SV2B: variants seen among roughly 807,000 people sequenced by gnomAD.
SV2B encodes synaptic vesicle glycoprotein 2B.
SV2B carries 41 observed loss-of-function variants against 73.9 expected under a neutral mutation model. The ratio of observed to expected loss-of-function variants is 0.56; its 90% CI spans 0.43 to 0.72. SV2B has a LOEUF of 0.72. Ranked by LOEUF, SV2B falls within the 30% of genes least tolerant of loss-of-function variation. The pLI is 0.00. For missense variants in SV2B, 764 were observed against 857.8 expected (o/e 0.89, Z 1.37); for synonymous variants, 314 against 314.2 (o/e 1.00, Z 0.01).
intron 1 of SV2B, among the ~76,000 whole-genome samples, chr15:91,160,946 G>A (rs187944745): frequency 3.9e-5 from 6 of 152,264 alleles, no homozygotes; most frequent in Non-Finnish European, 7.4e-5. Context: ...ACAAAATGTG[G>A]CTTATCCATA....
At chr15:91,180,123 A>G (rs1299669794) in intron 1 of SV2B, among the ~76,000 whole-genome samples, 2 of 152,040 alleles carry the variant, frequency 1.3e-5, no homozygotes, top group African/African-American at 4.8e-5. Context: ...GCTTGTTTGT[A>G]AAGTATTTTT....
rs540991662 is a variant in SV2B at position 91,134,152 on chromosome 15, C to G, written c.-392+33789C>G. Among the ~76,000 whole-genome samples the G allele has an allele frequency of 2.6e-3, 388 of 152,058 alleles. 1 individual carries two copies. The highest frequency in any genetic ancestry group is 3.9e-3 in the Non-Finnish European group (263 of 67,976). On this transcript the variant is annotated intron_variant, in intron 1 of 12. Transcript: ENST00000394232. Reference sequence around the variant, plus strand: ...TAGCTGGGATTACAGGTGTGCACCACCACGCCTGGCTAATTTTTGTATTTT... The same window carrying G: ...TAGCTGGGATTACAGGTGTGCACCAGCACGCCTGGCTAATTTTTGTATTTT...
Position 91,231,675 on chromosome 15 carries a change from C to G in SV2B, c.451+4961C>G, listed in dbSNP as rs114015215. On this transcript the variant is annotated intron_variant, in intron 2 of 12. Transcript: ENST00000394232. This position sits in a 1 kb window ranked among gnomAD's most constrained non-coding sequence, Gnocchi z 4.5. ...CTCAACCTGGAACTGTGGGCTATTC[C>G]CTACCTTCATGCCTATAATAGTGAG... Among the ~76,000 whole-genome samples, 807 of 152,260 alleles carry G rather than the reference C, an allele frequency of 5.3e-3. 7 individuals carry two copies. The highest frequency in any genetic ancestry group is 0.018 in the African/African-American group (756 of 41,548).
intron 1 of SV2B, among the ~76,000 whole-genome samples, chr15:91,159,606 A>T (rs893678978): frequency 1.3e-5 from 2 of 152,258 alleles, no homozygotes; most frequent in African/African-American, 4.8e-5. Context: ...CAAGCATTAC[A>T]TTGAAAGATA....
At chr15:91,195,834 T>C (rs139219382) in intron 1 of SV2B, among the ~76,000 whole-genome samples, 1 of 152,210 alleles carries the variant, frequency 6.6e-6, no homozygotes, top group Non-Finnish European at 1.5e-5. Context: ...TAGCAAGTCC[T>C]ACATGAAGCT....
chr15:91,302,357 G>A lies in SV2B; in HGVS notation c.*9805G>A, dbSNP rs911955722. On this transcript the variant is annotated 3_prime_UTR_variant, in exon 13 of 13. Transcript: ENST00000394232. ...AGCTTTAAAACTTTAGTAACCTGAT[G>A]ATGGAGAGATCTGGGGGGTGCAGAG... Among the ~76,000 whole-genome samples the A allele has an allele frequency of 1.3e-5, 2 of 152,202 alleles. No homozygotes were observed. Among genetic ancestry groups the A allele is most frequent in the South Asian group, 2.1e-4 (1 of 4,820 alleles).
At chr15:91,170,011 C>G (rs1000116448) in intron 1 of SV2B, among the ~76,000 whole-genome samples, 1 of 152,122 alleles carries the variant, frequency 6.6e-6, no homozygotes, top group African/African-American at 2.4e-5. Flanking sequence ...AGACACCATC[C>G]AGTGATTTAT....
At chr15:91,167,113 G>A (rs998488842) in intron 1 of SV2B, among the ~76,000 whole-genome samples, 3 of 151,962 alleles carry the variant, frequency 2.0e-5, no homozygotes, top group Non-Finnish European at 2.9e-5. Flanking sequence ...GCGCCCGGCC[G>A]TATAGTTTTT....
rs1289948753 is a variant in SV2B, at chr15:91,278,604, G to A, written c.1374-3124G>A. Among the ~76,000 whole-genome samples the A allele has an allele frequency of 1.2e-4, 15 of 130,280 alleles. No individual in the cohort carries two copies. In the South Asian group the frequency reaches 3.4e-3, roughly 30 times the overall value. The allele number at this position is 130,280 out of a possible 152,430, so 85.5% of individuals were successfully genotyped here. ...TGAGGCAGGAGAATGGCGTGAACCCGGGAAGCGGAGCTTGCAGTGAGCCGA... is the reference window on the plus strand; with the variant it reads ...TGAGGCAGGAGAATGGCGTGAACCCAGGAAGCGGAGCTTGCAGTGAGCCGA... On this transcript the variant is annotated intron_variant, in intron 9 of 12. Coordinates refer to ENST00000394232, the MANE Select transcript of SV2B (RefSeq NM_001323032.3).
At chr15:91,251,110 C>T (rs1395855736) in intron 2 of SV2B, among the ~76,000 whole-genome samples, 1 of 152,126 alleles carries the variant, frequency 6.6e-6, no homozygotes, top group Non-Finnish European at 1.5e-5. Context: ...GACATATAGA[C>T]CAATGGAACA....
chr15:91,194,411 T>C (rs2045165831), intron 1 of SV2B, among the ~76,000 whole-genome samples: 1 of 152,176 alleles, frequency 6.6e-6, no homozygotes, highest in Non-Finnish European at 1.5e-5. Context: ...TTTGGAGCAA[T>C]GATGAATCAA....
At position 91,115,281 on chromosome 15, in the gene SV2B, G is replaced by A. The variant is rs886821909; in HGVS notation, c.-392+14918G>A. Among the ~76,000 whole-genome samples, 1 of 152,214 alleles carries A rather than the reference G, an allele frequency of 6.6e-6. No homozygotes were observed. The highest frequency in any genetic ancestry group is 2.4e-5 in the African/African-American group (1 of 41,448). ...CCCACAGACGTCCACCACACACACT[G>A]AGCTGGCTTCTGTTGCTGAAATAAA... On this transcript the variant is annotated intron_variant, in intron 1 of 12. Coordinates refer to ENST00000394232, the MANE Select transcript of SV2B (RefSeq NM_001323032.3). The surrounding 1 kb of genome is among the most constrained non-coding windows in gnomAD (Gnocchi z 4.3).
At position 91,129,646 on chromosome 15, in the gene SV2B, A is replaced by G. The variant is rs1432868119; in HGVS notation, c.-392+29283A>G. 6.6e-6 allele frequency among the ~76,000 whole-genome samples: 1 copy of G among 152,204 alleles called. No individual in the cohort carries two copies. The highest frequency in any genetic ancestry group is 1.5e-5 in the Non-Finnish European group (1 of 68,036). On this transcript the variant is annotated intron_variant, in intron 1 of 12. Coordinates refer to ENST00000394232, the MANE Select transcript of SV2B (RefSeq NM_001323032.3). The surrounding 1 kb of genome is among the most constrained non-coding windows in gnomAD (Gnocchi z 5.1). ...TGGCTTTAGGGGCCATGCAGAGGGC[A>G]GTGGTAGGTATGAGGGAGCCAGCGG... is the stretch of plus-strand genomic sequence containing the variant.
chr15:91,210,457 G>A (rs2045815539), intron 1 of SV2B, among the ~76,000 whole-genome samples: 1 of 152,176 alleles, frequency 6.6e-6, no homozygotes, highest in Non-Finnish European at 1.5e-5. Context: ...GCAAAGGGCA[G>A]GGTAGTTTCA....
At position 91,226,656 on chromosome 15, in the gene SV2B, T is replaced by C; in HGVS notation, c.393T>C (p.Phe131=). The C allele has an allele frequency of 6.2e-7, 1 of 1,613,982 alleles. No homozygotes were observed. The highest frequency in any genetic ancestry group is 8.5e-7 in the Non-Finnish European group (1 of 1,180,008). Residue 131 remains phenylalanine (F), a synonymous_variant, in exon 2 of 13, where the codon TTT becomes TTC. Transcript: ENST00000394232. ...ADGVEVFVVS[F]ALPSAEKDMC... is the part of the protein sequence containing the mutation. ...GGGTGGAAGTGTTCGTGGTGAGTTT[T>C]GCCCTGCCCAGTGCAGAGAAGGACA...
intron 1 of SV2B, among the ~76,000 whole-genome samples, chr15:91,206,771 G>A (rs1026816644): frequency 4.6e-5 from 7 of 152,116 alleles, no homozygotes. Context: ...CCCTTGACTT[G>A]ATTATATTAT....
intron 1 of SV2B, among the ~76,000 whole-genome samples, chr15:91,165,643 C>G (rs916339553): frequency 2.0e-5 from 3 of 152,164 alleles, no homozygotes; most frequent in African/African-American, 7.2e-5. Context: ...AGGTCTCTGA[C>G]ATCACTGTAG....
In SV2B at chr15:91,207,999, T is replaced by G. The variant is rs528064941; in HGVS notation, c.-391-17874T>G. ...GAAGAAGGGGCAAGTGGAATTCTAG[T>G]GTCTGTGGCCCACTTCAGGGGAGAA... On this transcript the variant is annotated intron_variant, in intron 1 of 12. Transcript: ENST00000394232. Among the ~76,000 whole-genome samples the G allele has an allele frequency of 3.9e-5, 6 of 152,292 alleles. No homozygotes were observed. The South Asian group carries it at 1.2e-3, about 32-fold the overall frequency.
At chr15:91,165,439 G>A (rs908494693) in intron 1 of SV2B, among the ~76,000 whole-genome samples, 6 of 152,130 alleles carry the variant, frequency 3.9e-5, no homozygotes, top group Admixed American at 2.6e-4. Flanking sequence ...AATTTACATA[G>A]CACTTATATT....
Sources: allele counts gnomAD v4.1 joint callset (sites outside exome capture counted in the v4.1 genomes callset), GRCh38; gene constraint gnomAD v4.1.1; non-coding constraint Gnocchi (gnomAD v3.1); transcripts MANE v1.5; gene names NCBI Gene and HGNC (gene_info 2026-07-23, HGNC 2026-07-21).